Variants in PDCD11 observed in about 807,000 individuals in gnomAD.
PDCD11 encodes protein RRP5 homolog.
PDCD11 carries 97 observed loss-of-function variants against 198.9 expected under a neutral mutation model. That is an observed-to-expected ratio of 0.49 (90% CI 0.41 to 0.58). The LOEUF (loss-of-function observed/expected upper bound fraction) is 0.58. Among genes scored for constraint, PDCD11 ranks in the 20% least tolerant of loss-of-function variants. The pLI, the probability that PDCD11 is intolerant of heterozygous loss-of-function variation, is 0.00. For synonymous variants in PDCD11, 893 were observed against 918.0 expected (o/e 0.97, Z 0.49); for missense variants, 2,102 against 2,312.7 (o/e 0.91, Z 1.87).
chr10:103,405,256 C>T (rs901989769), intron 5 of PDCD11, 73 bp downstream of exon 5: 9 of 1,446,938 alleles, frequency 6.2e-6, no homozygotes, highest in African/African-American at 2.8e-5. Flanking sequence ...GTGGTCTAGG[C>T]CACCTTTTAC....
At chr10:103,412,723 C>G (rs1292800027) in intron 8 of PDCD11, among the ~76,000 whole-genome samples, 1 of 152,136 alleles carries the variant, frequency 6.6e-6, no homozygotes, top group Admixed American at 6.5e-5. Flanking sequence ...CTCAGACTCC[C>G]AAAGTGCTGG....
At position 103,417,859 on chromosome 10, in the gene PDCD11, C is replaced by T. The variant is rs753738057; in HGVS notation, c.1838C>T (p.Ser613Leu). The T allele has an allele frequency of 2.5e-5, 41 of 1,613,926 alleles. No individual in the cohort carries two copies. Among genetic ancestry groups the T allele is most frequent in the Middle Eastern group, 1.6e-4 (1 of 6,084 alleles). Residue 613 changes from serine (S) to leucine (L), a missense_variant, in exon 14 of 36, where the codon TCG becomes TTG. Coordinates refer to ENST00000369797, the MANE Select transcript of PDCD11 (RefSeq NM_014976.2). ...AGGATGCTCTTATCCTTCAAGCTGT[C>T]GAGTGATCCAGAGCCAAAGAAAGAG... ...KERMLLSFKLSSDPEPKKEPA... is the reference protein window; with the variant it reads ...KERMLLSFKLLSDPEPKKEPA...
intron 22 of PDCD11, 67 bp from the exon 23 acceptor site, chr10:103,433,881 G>T (rs1252803427): frequency 3.9e-6 from 5 of 1,285,492 alleles, no homozygotes; most frequent in Admixed American, 3.4e-5. Context: ...GTGGTTTTAG[G>T]AAAGTTTTAA....
At chr10:103,414,966 T>G in intron 11 of PDCD11, 39 bp from the exon 12 acceptor site, 1 of 1,610,200 alleles carries the variant, frequency 6.2e-7, no homozygotes, top group Non-Finnish European at 8.5e-7. Flanking sequence ...GAAAGGCCAT[T>G]CTTGAGACAT....
intron 9 of PDCD11, 24 bp downstream of exon 9, chr10:103,413,346 C>G (rs778558927): frequency 4.4e-6 from 7 of 1,590,190 alleles, no homozygotes; most frequent in Middle Eastern, 1.7e-4. Context: ...TTTGTTTGGT[C>G]AGGGATCTTA....
chr10:103,441,766 C>T (rs1009345466), intron 30 of PDCD11, 60 bp from the exon 31 acceptor site: 29 of 1,529,392 alleles, frequency 1.9e-5, no homozygotes, highest in East Asian at 2.3e-5. Context: ...TGGGCTGGCA[C>T]GGGGGAACAG....
In PDCD11 at chr10:103,418,524, A is replaced by G; in HGVS notation, c.1996A>G (p.Thr666Ala). 1.2e-6 allele frequency: 2 copies of G among 1,614,114 alleles called. No homozygotes were observed. Among genetic ancestry groups the G allele is most frequent in the Non-Finnish European group, 1.7e-6 (2 of 1,180,012 alleles). Residue 666 changes from threonine (T) to alanine (A), a missense_variant, in exon 15 of 36, where the codon ACA (threonine) becomes GCA (alanine). By Grantham distance (58) the Thr-to-Ala change is moderately conservative. Coordinates refer to ENST00000369797, the MANE Select transcript of PDCD11 (RefSeq NM_014976.2). ...LPHNIRAFLP[T>A]SHLSDHVANG... ...CCACAACATCCGTGCTTTCCTCCCC[A>G]CATCTCATCTGTCGGACCACGTTGC...
intron 3 of PDCD11, among the ~76,000 whole-genome samples, chr10:103,401,766 CTCGCACAG>C (rs1234305635): frequency 6.6e-6 from 1 of 150,736 alleles, no homozygotes; most frequent in Non-Finnish European, 1.5e-5. Flanking sequence ...GAGACGGAGT[CTCGCACAG>C]TCGCCCAGGC....
Position 103,445,499 on chromosome 10 carries a change from G to T in PDCD11, c.5566G>T (p.Ala1856Ser). Residue 1856 changes from alanine to serine, a missense_variant, in exon 36 of 36, where the codon GCC (alanine) becomes TCC (serine). Physicochemically the swap from Ala to Ser is moderately conservative, Grantham distance 99. Transcript: ENST00000369797. ...GTEKDVQAVK[A>S]KALEYVEAKS... ...TGAGAAGGATGTGCAGGCAGTCAAGGCCAAGGCCCTGGAGTATGTGGAGGC... is the reference window on the plus strand; with the variant it reads ...TGAGAAGGATGTGCAGGCAGTCAAGTCCAAGGCCCTGGAGTATGTGGAGGC... The T allele has an allele frequency of 6.2e-7, 1 of 1,614,166 alleles. No homozygotes were observed. The highest frequency in any genetic ancestry group is 8.5e-7 in the Non-Finnish European group (1 of 1,180,038).
At chr10:103,424,835 G>T in intron 19 of PDCD11, 149 bp from the exon 20 acceptor site, 1 of 757,554 alleles carries the variant, frequency 1.3e-6, no homozygotes, top group Non-Finnish European at 2.1e-6. Flanking sequence ...AGGGAGTGAA[G>T]GCTAGTCTGT....
intron 5 of PDCD11, chr10:103,405,409 C>T (rs200107554): frequency 1.7e-5 from 5 of 291,190 alleles, no homozygotes; most frequent in Non-Finnish European, 1.9e-5. Flanking sequence ...GTCCAAATTT[C>T]TTTTTTTTTT....
rs1013295923 is a variant in PDCD11, at chr10:103,421,501, A to G, written c.2431A>G (p.Ser811Gly). The G allele has an allele frequency of 6.3e-7, 1 of 1,591,928 alleles. No homozygotes were observed. The highest frequency in any genetic ancestry group is 8.6e-7 in the Non-Finnish European group (1 of 1,168,888). Residue 811 changes from serine to glycine, a missense_variant, in exon 17 of 36, where the codon AGC becomes GGC. Physicochemically the swap from Ser to Gly is moderately conservative, Grantham distance 56. Transcript: ENST00000369797. ...DCGLGDLAIT[S>G]LLLLNQCLEE... ...TGGTCTGGGGGACTTGGCTATCACC[A>G]GCCTCCTCCTCCTGAATCAGTGCCT...
chr10:103,424,725 A>G (rs1371258950), intron 19 of PDCD11, among the ~76,000 whole-genome samples: 4 of 152,228 alleles, frequency 2.6e-5, no homozygotes, highest in Admixed American at 6.5e-5. Context: ...GATCTAGGAT[A>G]GGGTCTTGCA....
intron 1 of PDCD11, among the ~76,000 whole-genome samples, chr10:103,397,950 C>G (rs1004533835): frequency 1.3e-5 from 2 of 152,162 alleles, no homozygotes; most frequent in African/African-American, 4.8e-5. Context: ...TAAAAAAGAT[C>G]TTCTTTATGA....
At position 103,396,940 on chromosome 10, in the gene PDCD11, C is replaced by T. The variant is rs552041927; in HGVS notation, c.-12+210C>T. Among the ~76,000 whole-genome samples the T allele has an allele frequency of 8.5e-5, 13 of 152,300 alleles. No homozygotes were observed. The South Asian group carries it at 1.7e-3, about 19-fold the overall frequency. ...TCTTCTGTGCCCCTGGATCGCCTTA[C>T]TTTTCAGAGCCTCAGTTTCCCCTTG... On this transcript the variant is annotated intron_variant, in intron 1 of 35. Transcript: ENST00000369797.
chr10:103,423,419 T>C (rs1376830243), intron 18 of PDCD11, 124 bp from the exon 19 acceptor site: 2 of 748,502 alleles, frequency 2.7e-6, no homozygotes, highest in African/African-American at 1.7e-5. Flanking sequence ...ATGGCCCGTA[T>C]GGACCCAGGA....
intron 6 of PDCD11, 133 bp from the exon 7 acceptor site, chr10:103,406,476 T>G: frequency 1.4e-6 from 1 of 727,768 alleles, no homozygotes; most frequent in Non-Finnish European, 2.2e-6. Flanking sequence ...CCTTAAAGAT[T>G]GGGAATTTGG....
rs370054051 is a variant in PDCD11 at position 103,425,492 on chromosome 10, G to C, written c.3272G>C (p.Arg1091Pro). 1 of 1,611,706 alleles carries C rather than the reference G, an allele frequency of 6.2e-7. No individual in the cohort carries two copies. The highest frequency in any genetic ancestry group is 1.7e-5 in the Admixed American group (1 of 59,958). Reference sequence around the variant, plus strand: ...AAGGTTGGGAAGACGGTCACTGCCCGAGTGATTGGCGGGCGAGACATGAAG... The same window carrying C: ...AAGGTTGGGAAGACGGTCACTGCCCCAGTGATTGGCGGGCGAGACATGAAG... ...KLKVGKTVTARVIGGRDMKTF... is the reference protein window; with the variant it reads ...KLKVGKTVTAPVIGGRDMKTF... Residue 1091 changes from arginine to proline, a missense_variant, in exon 20 of 36, where the codon CGA becomes CCA. Physicochemically the swap from Arg to Pro is moderately radical, Grantham distance 103. Coordinates refer to ENST00000369797, the MANE Select transcript of PDCD11 (RefSeq NM_014976.2).
rs1028419155 is a variant in PDCD11, at chr10:103,406,735, G to A, written c.815G>A (p.Ser272Asn). 43 of 1,614,208 alleles carry A rather than the reference G, an allele frequency of 2.7e-5. No individual in the cohort carries two copies. Among genetic ancestry groups the A allele is most frequent in the Non-Finnish European group, 3.3e-5 (39 of 1,180,036 alleles). ...VSTAIATEQQ[S>N]WNLNNLLPGL... ...ACGGCCATTGCTACTGAACAGCAGA[G>A]CTGGAACCTTAATAACTTGCTACCA... Residue 272 changes from serine (S) to asparagine (N), a missense_variant, in exon 7 of 36, where the codon AGC (serine) becomes AAC (asparagine). Transcript: ENST00000369797.
Sources: allele counts gnomAD v4.1 joint callset (sites outside exome capture counted in the v4.1 genomes callset), GRCh38; gene constraint gnomAD v4.1.1; transcripts MANE v1.5; gene names NCBI Gene and HGNC (gene_info 2026-07-23, HGNC 2026-07-21).